The following JCAD variants were observed in gnomAD, a reference collection of about 807,000 sequenced individuals.
JCAD encodes the protein junctional cadherin 5 associated.
A neutral mutation model predicts 98.0 loss-of-function variants in JCAD; 40 were observed. That is an observed-to-expected ratio of 0.41 (90% CI 0.32 to 0.53). JCAD has a LOEUF of 0.53. Ranked by LOEUF, JCAD falls within the 20% of genes least tolerant of loss-of-function variation. JCAD has a pLI of 0.31. For missense variants in JCAD, 1,705 were observed against 1,738.1 expected, an observed-to-expected ratio of 0.98 and a Z score of 0.34; for synonymous variants, 691 against 682.3, an observed-to-expected ratio of 1.01 and a Z score of -0.20.
upstream of JCAD, among the ~76,000 whole-genome samples, chr10:30,063,433 G>T (rs1489369257): frequency 3.3e-5 from 5 of 152,110 alleles, no homozygotes; most frequent in Non-Finnish European, 7.4e-5. Context: ...CCAAGATCTT[G>T]TTTCTCTAAC....
chr10:30,104,803 T>C (rs1838541389), intron 1 of JCAD, among the ~76,000 whole-genome samples: 1 of 152,214 alleles, frequency 6.6e-6, no homozygotes, highest in Admixed American at 6.5e-5. Flanking sequence ...TGTTTGTTTG[T>C]TTGTTTTTTA....
At chr10:30,085,401 A>G (rs1490173275) in intron 1 of JCAD, among the ~76,000 whole-genome samples, 3 of 152,220 alleles carry the variant, frequency 2.0e-5, no homozygotes, top group Non-Finnish European at 4.4e-5. Context: ...AATAAAAGAC[A>G]TGGTTTCTGC....
At chr10:30,063,512 A>G (rs534905883), upstream of JCAD, among the ~76,000 whole-genome samples, 26 of 152,278 alleles carry the variant, frequency 1.7e-4, no homozygotes, top group South Asian at 5.2e-3. Flanking sequence ...TCTGTAGACT[A>G]TAAGGTTTCC....
chr10:30,107,780 T>C (rs1412571656), intron 1 of JCAD, among the ~76,000 whole-genome samples: 1 of 152,146 alleles, frequency 6.6e-6, no homozygotes, highest in Non-Finnish European at 1.5e-5. Context: ...TAATGCATGA[T>C]TGAATGAAAT....
At chr10:30,054,697 G>A (rs1268442427) in intron 1 of JCAD, among the ~76,000 whole-genome samples, 1 of 148,984 alleles carries the variant, frequency 6.7e-6, no homozygotes, top group African/African-American at 2.5e-5. Flanking sequence ...TTGAGACGGA[G>A]TCTCGCTGTC....
At chr10:30,051,298 A>G (rs1837465838) in intron 1 of JCAD, among the ~76,000 whole-genome samples, 1 of 151,720 alleles carries the variant, frequency 6.6e-6, no homozygotes, top group Non-Finnish European at 1.5e-5. Context: ...ACACACACAC[A>G]CACACACACA....
At chr10:30,101,609 C>A (rs113130805) in intron 1 of JCAD, among the ~76,000 whole-genome samples, 4,004 of 152,014 alleles carry the variant, frequency 0.026, 155 homozygotes, top group African/African-American at 0.087. Flanking sequence ...CTCAAGTGAT[C>A]CACCTGCCTT....
intron 1 of JCAD, among the ~76,000 whole-genome samples, chr10:30,102,044 C>T (rs1201294491): frequency 6.6e-6 from 1 of 152,210 alleles, no homozygotes; most frequent in Non-Finnish European, 1.5e-5. Flanking sequence ...CTTCAGACCA[C>T]TCCACAACTC....
At chr10:30,081,206 T>C (rs1349406069) in intron 1 of JCAD, among the ~76,000 whole-genome samples, 1 of 152,204 alleles carries the variant, frequency 6.6e-6, no homozygotes, top group Non-Finnish European at 1.5e-5. Flanking sequence ...CATGGATTAG[T>C]TTAACAGATT....
At chr10:30,053,602 T>C (rs762474684) in intron 1 of JCAD, among the ~76,000 whole-genome samples, 13 of 151,376 alleles carry the variant, frequency 8.6e-5, no homozygotes, top group Non-Finnish European at 1.6e-4. Context: ...ATTATTAATA[T>C]GTAACAAAAT....
rs1424474798 is a variant in JCAD at position 30,017,085 on chromosome 10, T to G, written c.*798A>C. On this transcript the variant is annotated 3_prime_UTR_variant, in exon 4 of 4. Transcript: ENST00000375377. ...AATAGCATTTTCGTAAAAAGAAATATAGTCACTTTGTTAAAATGGTCTATT... is the reference window on the plus strand; with the variant it reads ...AATAGCATTTTCGTAAAAAGAAATAGAGTCACTTTGTTAAAATGGTCTATT... The G allele has an allele frequency of 6.6e-6, 1 of 152,210 alleles. No homozygotes were observed. 9.4% of individuals were successfully genotyped at this position (152,210 alleles called of 1,614,324 possible).
At position 30,092,089 on chromosome 10, in the gene JCAD, AAAGTTACTT is replaced by A. The variant is rs1284175160; in HGVS notation, n.129-22277_129-22269del. On this transcript the variant is annotated intron_variant and non_coding_transcript_variant, in intron 1 of 2. Transcript: ENST00000465712. Reference sequence around the variant, plus strand: ...AATATATATATATATATATATATATAAAGTTACTTTATATATATATATATATATATATAT... The same window carrying A: ...AATATATATATATATATATATATATATATATATATATATATATATATATAT... Among the ~76,000 whole-genome samples, 104 of 30,448 alleles carry A rather than the reference AAAGTTACTT, an allele frequency of 3.4e-3. 1 individual carries two copies. Among genetic ancestry groups the A allele is most frequent in the African/African-American group, 0.011 (68 of 6,312 alleles). 20.0% of individuals were successfully genotyped at this position (30,448 alleles called of 152,430 possible). A position where few individuals can be genotyped will look rare whatever the true frequency, so the allele number is the denominator to read the frequency against.
intron 1 of JCAD, among the ~76,000 whole-genome samples, chr10:30,105,757 G>A (rs145114938): frequency 3.3e-5 from 5 of 152,244 alleles, no homozygotes; most frequent in Admixed American, 1.3e-4. Context: ...TTCACATAAT[G>A]CTTGTCAAAG....
intron 1 of JCAD, among the ~76,000 whole-genome samples, chr10:30,075,235 T>C (rs1011871802): frequency 2.6e-5 from 4 of 152,240 alleles, no homozygotes; most frequent in African/African-American, 9.6e-5. Context: ...GTTGTCCTAC[T>C]CTCTGAAGGG....
In JCAD at chr10:30,027,064, C is replaced by A. The variant is rs375049840; in HGVS notation, c.3084G>T (p.Arg1028Ser). The change falls in exon 3 of 4, where the codon AGG (arginine) becomes AGT (serine). Residue 1028 changes from arginine to serine, a missense_variant. Arg to Ser is a moderately radical substitution (Grantham distance 110). Coordinates refer to ENST00000375377, the MANE Select transcript of JCAD (RefSeq NM_020848.4). ...ACAGGGACAGTGGGAGCCCTGCCCC[C>A]CTCTCTCCACCACTGTCAAACTTCC... ...VPRKFDSGGE[R>S]GAGLPLSLSN... 1.5e-5 allele frequency: 25 copies of A among 1,614,102 alleles called. No individual in the cohort carries two copies. The highest frequency in any genetic ancestry group is 2.2e-5 in the East Asian group (1 of 44,894).
At position 30,059,305 on chromosome 10, in the gene JCAD, C is replaced by A. The variant is rs1261959713; in HGVS notation, c.-60+177G>T. On this transcript the variant is annotated intron_variant, in intron 1 of 3. Transcript: ENST00000375377. This position sits in a 1 kb window ranked among gnomAD's most constrained non-coding sequence, Gnocchi z 5.0. ...CTAGGCACCGCGCGGGGGGCCCAGG[C>A]GGGGCTGCGACTGGGGGTGCAGACA... 6.6e-6 allele frequency among the ~76,000 whole-genome samples: 1 copy of A among 151,224 alleles called. No homozygotes were observed. Among genetic ancestry groups the A allele is most frequent in the Non-Finnish European group, 1.5e-5 (1 of 67,654 alleles).
chr10:30,088,461 C>T (rs757122355), intron 1 of JCAD, among the ~76,000 whole-genome samples: 1 of 152,040 alleles, frequency 6.6e-6, no homozygotes, highest in Non-Finnish European at 1.5e-5. Flanking sequence ...GCAGAGAGAT[C>T]GGTCAGCTTA....
intron 1 of JCAD, among the ~76,000 whole-genome samples, chr10:30,107,144 C>T (rs948434309): frequency 3.3e-5 from 5 of 152,148 alleles, no homozygotes; most frequent in African/African-American, 7.2e-5. Flanking sequence ...TAAACCAGAG[C>T]GACTCCATCT....
At chr10:30,065,306 A>G (rs1837764592) in intron 2 of JCAD, among the ~76,000 whole-genome samples, 1 of 152,172 alleles carries the variant, frequency 6.6e-6, no homozygotes, top group African/African-American at 2.4e-5. Context: ...GGATGTCCCT[A>G]TTACCCTGGT....
Sources: gnomAD v4.1 joint callset for allele counts (sites outside exome capture counted in the v4.1 genomes callset) on GRCh38, gnomAD v4.1.1 for gene constraint, Gnocchi (gnomAD v3.1) non-coding constraint, MANE v1.5 for transcripts, NCBI Gene and HGNC (gene_info 2026-07-23, HGNC 2026-07-21) for gene names.